SGCZ: variants seen among roughly 807,000 people sequenced by gnomAD.
SGCZ encodes the protein zeta-sarcoglycan.
In SGCZ, 40 loss-of-function variants were observed where a neutral mutation model predicts 41.3. That is an observed-to-expected ratio of 0.97 (90% CI 0.75 to 1.26). The LOEUF is 1.26. SGCZ is among the 50% of genes most tolerant of loss of function. The pLI, the probability that SGCZ is intolerant of heterozygous loss-of-function variation, is 0.00. For missense variants in SGCZ, 552 were observed against 369.8 expected (o/e 1.49, Z -4.04); for synonymous variants, 206 against 137.5 (o/e 1.50, Z -3.49).
intron 4 of SGCZ, among the ~76,000 whole-genome samples, chr8:14,208,481 T>C (rs79963514): frequency 0.088 from 13,332 of 152,238 alleles, 773 homozygotes; most frequent in Middle Eastern, 0.14. Context: ...TATATAGAGC[T>C]GATATCAAAA....
intron 1 of SGCZ, among the ~76,000 whole-genome samples, chr8:15,155,258 G>A (rs147422812): frequency 0.011 from 1,674 of 152,226 alleles, 32 homozygotes; most frequent in African/African-American, 0.036. Flanking sequence ...TCACGCCATT[G>A]CACTCCAGCC....
At chr8:14,979,464 C>G (rs1801590951) in intron 1 of SGCZ, among the ~76,000 whole-genome samples, 1 of 152,160 alleles carries the variant, frequency 6.6e-6, no homozygotes, top group African/African-American at 2.4e-5. Context: ...TACATAATCT[C>G]TTTTGGAAAT....
chr8:14,159,936 T>A (rs963728191), intron 5 of SGCZ, among the ~76,000 whole-genome samples: 1 of 152,162 alleles, frequency 6.6e-6, no homozygotes, highest in Non-Finnish European at 1.5e-5. Context: ...CTTCAGAAAG[T>A]CCTTTCTTCT....
chr8:14,827,709 G>C (rs577203461), intron 1 of SGCZ, among the ~76,000 whole-genome samples: 1 of 152,214 alleles, frequency 6.6e-6, no homozygotes, highest in East Asian at 1.9e-4. Flanking sequence ...TTTACAGAAA[G>C]CATTTGCCAA....
chr8:14,300,419 A>G (rs1801148879), intron 3 of SGCZ, among the ~76,000 whole-genome samples: 1 of 151,612 alleles, frequency 6.6e-6, no homozygotes, highest in African/African-American at 2.4e-5. Flanking sequence ...AGGTAAAGAG[A>G]GGTAAATAAA....
chr8:14,869,261 C>A (rs982202954), intron 1 of SGCZ, among the ~76,000 whole-genome samples: 1 of 152,140 alleles, frequency 6.6e-6, no homozygotes, highest in Non-Finnish European at 1.5e-5. Context: ...GACGTCATCC[C>A]TGGGATGCAA....
intron 1 of SGCZ, among the ~76,000 whole-genome samples, chr8:15,138,128 GT>G: frequency 6.6e-6 from 1 of 152,292 alleles, no homozygotes; most frequent in East Asian, 1.9e-4. Context: ...GAACTTTAAG[GT>G]TTAACGAATG....
chr8:14,302,177 A>G (rs1286377103), intron 3 of SGCZ, among the ~76,000 whole-genome samples: 1 of 152,150 alleles, frequency 6.6e-6, no homozygotes, highest in Non-Finnish European at 1.5e-5. Context: ...TACACCTCTT[A>G]ACAATCAAAA....
At position 14,468,977 on chromosome 8, in the gene SGCZ, C is replaced by T. The variant is rs73519400; in HGVS notation, c.234+85755G>A. On this transcript the variant is annotated intron_variant, in intron 2 of 7. Transcript: ENST00000382080. ...CCTAATTGAATCTACTGTTATCCTG[C>T]CTTGTTTCCACTATAATAACCTACT... is the stretch of plus-strand genomic sequence containing the variant. Among the ~76,000 whole-genome samples the T allele has an allele frequency of 4.6e-5, 7 of 152,150 alleles. No homozygotes were observed. The South Asian group carries it at 1.2e-3, about 27-fold the overall frequency.
chr8:15,233,034 G>A (rs1802005958), intron 1 of SGCZ, among the ~76,000 whole-genome samples: 1 of 151,606 alleles, frequency 6.6e-6, no homozygotes, highest in Admixed American at 6.6e-5. Context: ...TTTGTGACTA[G>A]TTGCTATTTT....
At chr8:14,420,750 T>A (rs1799616844) in intron 2 of SGCZ, among the ~76,000 whole-genome samples, 2 of 152,072 alleles carry the variant, frequency 1.3e-5, no homozygotes, top group South Asian at 2.1e-4. Flanking sequence ...CCTAGTTGAG[T>A]ATGTTTGTGC....
chr8:14,817,129 A>C (rs1050951234), intron 1 of SGCZ, among the ~76,000 whole-genome samples: 1 of 152,126 alleles, frequency 6.6e-6, no homozygotes, highest in Non-Finnish European at 1.5e-5. Context: ...ACTTCATTAC[A>C]TGTTGCACAC....
chr8:15,015,263 A>C (rs1802982451), intron 1 of SGCZ, among the ~76,000 whole-genome samples: 1 of 151,880 alleles, frequency 6.6e-6, no homozygotes, highest in South Asian at 2.1e-4. Flanking sequence ...AATTCTGAAG[A>C]AGTCTATTGG....
intron 2 of SGCZ, among the ~76,000 whole-genome samples, chr8:14,388,914 T>G: frequency 6.6e-6 from 1 of 151,910 alleles, no homozygotes; most frequent in East Asian, 1.9e-4. Context: ...GCATTAAAGA[T>G]ACCTCAAATA....
intron 2 of SGCZ, among the ~76,000 whole-genome samples, chr8:14,351,382 T>G (rs969265256): frequency 1.3e-5 from 2 of 152,102 alleles, no homozygotes; most frequent in Non-Finnish European, 2.9e-5. Flanking sequence ...TCTTGCAGTT[T>G]GGCTATCAAC....
At chr8:14,108,969 G>T (rs1444382293) in intron 5 of SGCZ, among the ~76,000 whole-genome samples, 1 of 152,142 alleles carries the variant, frequency 6.6e-6, no homozygotes, top group African/African-American at 2.4e-5. Flanking sequence ...AGCAGGTCAT[G>T]AATGAAAATG....
intron 1 of SGCZ, among the ~76,000 whole-genome samples, chr8:14,740,979 T>C (rs1219774672): frequency 6.6e-6 from 1 of 152,064 alleles, no homozygotes; most frequent in Non-Finnish European, 1.5e-5. Flanking sequence ...ATCAGCATAA[T>C]CTGCCATTAA....
At chr8:14,921,425 T>C (rs1799585468) in intron 1 of SGCZ, among the ~76,000 whole-genome samples, 1 of 152,120 alleles carries the variant, frequency 6.6e-6, no homozygotes, top group African/African-American at 2.4e-5. Flanking sequence ...GACCCCTATC[T>C]ATCAAGTTGT....
chr8:14,190,696 A>G (rs997176628), intron 4 of SGCZ, among the ~76,000 whole-genome samples: 1 of 151,932 alleles, frequency 6.6e-6, no homozygotes, highest in Non-Finnish European at 1.5e-5. Context: ...TCCACCTCCC[A>G]GGTTCACACC....
Sources: allele counts gnomAD v4.1 joint callset (sites outside exome capture counted in the v4.1 genomes callset), GRCh38; gene constraint gnomAD v4.1.1; transcripts MANE v1.5; gene names NCBI Gene and HGNC (gene_info 2026-07-23, HGNC 2026-07-21).